Variants in NFAT5 observed in about 807,000 individuals in gnomAD.
The protein encoded by NFAT5 is nuclear factor of activated T-cells 5.
NFAT5 carries 31 observed loss-of-function variants against 166.5 expected under a neutral mutation model. That is an observed-to-expected ratio of 0.19 (90% confidence interval 0.14 to 0.25). NFAT5 has a LOEUF of 0.25. Ranked by LOEUF, NFAT5 falls within the 10% of genes least tolerant of loss-of-function variation. NFAT5 has a pLI of 1.00. For synonymous variants in NFAT5, 612 were observed against 639.7 expected (o/e 0.96, Z 0.65); for missense variants, 1,449 against 1,821.8 (o/e 0.80, Z 3.72).
chr16:69,574,815 C>G (rs1016676323), intron 2 of NFAT5, among the ~76,000 whole-genome samples: 1 of 151,708 alleles, frequency 6.6e-6, no homozygotes, highest in Non-Finnish European at 1.5e-5. Flanking sequence ...ATTACAGGCA[C>G]GCACCACCAT....
intron 7 of NFAT5, among the ~76,000 whole-genome samples, chr16:69,663,401 GTATGTT>G (rs2151654690): frequency 6.6e-6 from 1 of 151,958 alleles, no homozygotes; most frequent in South Asian, 2.1e-4. Flanking sequence ...GTTTTGGTAT[GTATGTT>G]TATATTATTT....
intron 2 of NFAT5, among the ~76,000 whole-genome samples, chr16:69,621,237 T>C (rs1483977078): frequency 1.3e-5 from 2 of 151,654 alleles, no homozygotes; most frequent in African/African-American, 4.9e-5. Flanking sequence ...GTGCTTCTTC[T>C]ATTACTCTCT....
rs185117927 is a variant in NFAT5, at chr16:69,586,839, C to T, written c.127+18291C>T. On this transcript the variant is annotated intron_variant, in intron 2 of 14. Coordinates refer to ENST00000349945, the MANE Select transcript of NFAT5 (RefSeq NM_138713.4). ...AATATCACAGAATTATGGCAGTGAGCCAAGAAGAAGAAAAGCTGTATTAGT... is the reference window on the plus strand; with the variant it reads ...AATATCACAGAATTATGGCAGTGAGTCAAGAAGAAGAAAAGCTGTATTAGT... 7.8e-4 allele frequency among the ~76,000 whole-genome samples: 119 copies of T among 152,158 alleles called. 1 individual carries two copies. The highest frequency in any genetic ancestry group is 5.7e-4 in the Non-Finnish European group (39 of 68,018).
At chr16:69,590,090 C>A (rs114520460) in intron 2 of NFAT5, among the ~76,000 whole-genome samples, 2 of 152,190 alleles carry the variant, frequency 1.3e-5, no homozygotes, top group Non-Finnish European at 2.9e-5. Flanking sequence ...AGGAGAATTG[C>A]ATGACCCCAG....
chr16:69,576,291 C>CAAA (rs35557444), intron 2 of NFAT5, among the ~76,000 whole-genome samples: 5 of 55,232 alleles, frequency 9.1e-5, no homozygotes, highest in Admixed American at 2.0e-4. Context: ...GACTCGGTCT[C>CAAA]AAAAAAAAAA....
At chr16:69,665,147 A>G (rs927148433) in intron 7 of NFAT5, among the ~76,000 whole-genome samples, 1 of 152,202 alleles carries the variant, frequency 6.6e-6, no homozygotes, top group African/African-American at 2.4e-5. Context: ...ACTTTAAAGA[A>G]AGGACCTTTT....
chr16:69,684,837 T>A (rs753919283), intron 10 of NFAT5, 50 bp from the exon 11 acceptor site: 3 of 1,243,712 alleles, frequency 2.4e-6, no homozygotes, highest in Middle Eastern at 2.8e-4. Flanking sequence ...AGATACGAGG[T>A]TTTTAGGATG....
chr16:69,696,778 A>G lies in NFAT5; in HGVS notation c.*427A>G, dbSNP rs2037779373. 1 of 152,622 alleles carries G rather than the reference A, an allele frequency of 6.6e-6. No individual in the cohort carries two copies. The highest frequency in any genetic ancestry group is 2.4e-5 in the African/African-American group (1 of 41,464). The allele number at this position is 152,622 out of a possible 1,614,324, so 9.5% of individuals were successfully genotyped here. A position where few individuals can be genotyped will look rare whatever the true frequency, so the allele number is the denominator to read the frequency against. ...TTAGTCAAGTAATGGCTTTTGAAAA[A>G]GTAAAGTTCAATAATAACTAAGGCT... On this transcript the variant is annotated 3_prime_UTR_variant, in exon 15 of 15. Coordinates refer to ENST00000349945, the MANE Select transcript of NFAT5 (RefSeq NM_138713.4).
chr16:69,645,451 TATTA>T (rs1597461865), intron 3 of NFAT5, among the ~76,000 whole-genome samples: 3 of 152,232 alleles, frequency 2.0e-5, no homozygotes, highest in African/African-American at 7.2e-5. Flanking sequence ...TGATGACTAA[TATTA>T]ATTACTGTGC....
intron 3 of NFAT5, among the ~76,000 whole-genome samples, chr16:69,645,597 T>A (rs971644565): frequency 6.6e-6 from 1 of 152,212 alleles, no homozygotes; most frequent in Non-Finnish European, 1.5e-5. Context: ...TATGTAAACA[T>A]TGACATTCTT....
rs1474196173 is a variant in NFAT5 at position 69,699,808 on chromosome 16, A to C, written c.*3457A>C. On this transcript the variant is annotated 3_prime_UTR_variant, in exon 15 of 15. Transcript: ENST00000349945. ...CAACTCACATTAATGCTTGGAGCTT[A>C]TCTCTTTCTCTCTCTCTCTCTCTCT... 1 of 149,860 alleles carries C rather than the reference A, an allele frequency of 6.7e-6. No individual in the cohort carries two copies. Among genetic ancestry groups the C allele is most frequent in the African/African-American group, 2.5e-5 (1 of 40,718 alleles). 9.3% of individuals were successfully genotyped at this position (149,860 alleles called of 1,614,324 possible).
intron 13 of NFAT5, among the ~76,000 whole-genome samples, chr16:69,694,904 G>C (rs935686200): frequency 6.6e-6 from 1 of 152,148 alleles, no homozygotes; most frequent in Non-Finnish European, 1.5e-5. Context: ...TGTATTTTTA[G>C]ACTGCTTAAA....
chr16:69,686,456 G>A (rs901040123), intron 11 of NFAT5, among the ~76,000 whole-genome samples: 3 of 152,160 alleles, frequency 2.0e-5, no homozygotes, highest in Admixed American at 1.3e-4. Flanking sequence ...TGAAGAGGTC[G>A]AAGGTGCATT....
intron 11 of NFAT5, among the ~76,000 whole-genome samples, chr16:69,687,832 A>C (rs2037371790): frequency 6.6e-6 from 1 of 152,218 alleles, no homozygotes; most frequent in South Asian, 2.1e-4. Flanking sequence ...ATAAAAATAT[A>C]AGCCAGGTAC....
intron 9 of NFAT5, among the ~76,000 whole-genome samples, chr16:69,676,463 G>T (rs1400028554): frequency 6.6e-6 from 1 of 152,214 alleles, no homozygotes; most frequent in Non-Finnish European, 1.5e-5. Flanking sequence ...ATCTCACATT[G>T]AGGTTGTACA....
intron 5 of NFAT5, among the ~76,000 whole-genome samples, chr16:69,653,818 C>T (rs766955283): frequency 2.0e-4 from 31 of 151,942 alleles, no homozygotes; most frequent in Non-Finnish European, 3.2e-4. Flanking sequence ...GTGATCCTCC[C>T]GCCTTGGAGG....
At chr16:69,584,373 G>A (rs1358509683) in intron 2 of NFAT5, among the ~76,000 whole-genome samples, 4 of 149,104 alleles carry the variant, frequency 2.7e-5, no homozygotes, top group Non-Finnish European at 5.9e-5. Flanking sequence ...GCAATGCAGT[G>A]AGTAGGGTGC....
intron 10 of NFAT5, among the ~76,000 whole-genome samples, chr16:69,681,503 G>A (rs2037056709): frequency 6.6e-6 from 1 of 152,168 alleles, no homozygotes; most frequent in Non-Finnish European, 1.5e-5. Context: ...ATCCCTGCCT[G>A]CCACCCTTCT....
intron 2 of NFAT5, among the ~76,000 whole-genome samples, chr16:69,613,945 G>A (rs998934130): frequency 2.0e-5 from 3 of 152,148 alleles, no homozygotes; most frequent in Non-Finnish European, 4.4e-5. Flanking sequence ...AAAATACTTA[G>A]CCCCTGTGAC....
Sources: allele counts gnomAD v4.1 joint callset (sites outside exome capture counted in the v4.1 genomes callset), GRCh38; gene constraint gnomAD v4.1.1; transcripts MANE v1.5; gene names NCBI Gene and HGNC (gene_info 2026-07-23, HGNC 2026-07-21).